The following THRB variants were observed in gnomAD, a reference collection of about 807,000 sequenced individuals.
THRB encodes the protein nuclear receptor subfamily 1 group A member 2.
Under a neutral mutation model 47.8 loss-of-function variants are expected in THRB, and 12 were observed. That is an observed-to-expected ratio of 0.25 (90% CI 0.16 to 0.41). The LOEUF is 0.41. Among genes scored for constraint, THRB ranks in the 10% least tolerant of loss-of-function variants. THRB has a pLI of 1.00. For missense variants in THRB, 348 were observed against 589.2 expected, an observed-to-expected ratio of 0.59 and a Z score of 4.24; for synonymous variants, 218 against 212.2, an observed-to-expected ratio of 1.03 and a Z score of -0.24.
At chr3:24,347,864 A>G (rs1559989174) in intron 1 of THRB, among the ~76,000 whole-genome samples, 1 of 152,122 alleles carries the variant, frequency 6.6e-6, no homozygotes, top group African/African-American at 2.4e-5. Flanking sequence ...CTCTGGGCCT[A>G]AACTGCTGGA....
chr3:24,494,919 G>A (rs1323039981), upstream of THRB: 2 of 152,438 alleles, frequency 1.3e-5, no homozygotes, highest in East Asian at 3.9e-4. Context: ...GGGGTCCCGG[G>A]GAGCGCCGGC....
At chr3:24,278,216 A>G (rs1232530312) in intron 3 of THRB, among the ~76,000 whole-genome samples, 2 of 152,234 alleles carry the variant, frequency 1.3e-5, no homozygotes, top group East Asian at 3.8e-4. Context: ...ATTTGATAAA[A>G]TATATGAAGT....
chr3:24,196,588 C>T (rs556396602), intron 4 of THRB, among the ~76,000 whole-genome samples: 1 of 152,156 alleles, frequency 6.6e-6, no homozygotes, highest in South Asian at 2.1e-4. Flanking sequence ...AAAGAGCATT[C>T]CCCCCACCCC....
intron 2 of THRB, among the ~76,000 whole-genome samples, chr3:24,299,814 C>T: frequency 7.9e-6 from 1 of 126,212 alleles, no homozygotes; most frequent in Non-Finnish European, 1.6e-5. Flanking sequence ...GCAAACATAC[C>T]AGAGTTTATA....
At chr3:24,424,896 T>G in intron 1 of THRB, among the ~76,000 whole-genome samples, 1 of 152,132 alleles carries the variant, frequency 6.6e-6, no homozygotes, top group Middle Eastern at 3.4e-3. Context: ...TTTTGCATAC[T>G]GTTAAATAAA....
At chr3:24,257,246 A>T (rs889995263) in intron 3 of THRB, among the ~76,000 whole-genome samples, 3 of 152,108 alleles carry the variant, frequency 2.0e-5, no homozygotes, top group African/African-American at 4.8e-5. Context: ...AATGAAATAA[A>T]TTTTTTGATA....
At chr3:24,400,461 A>G (rs2067302471) in intron 1 of THRB, among the ~76,000 whole-genome samples, 1 of 152,130 alleles carries the variant, frequency 6.6e-6, no homozygotes, top group African/African-American at 2.4e-5. Flanking sequence ...GCAAGGACAC[A>G]GTCATTGAAT....
At chr3:24,432,358 T>C (rs541707540) in intron 1 of THRB, among the ~76,000 whole-genome samples, 18 of 152,224 alleles carry the variant, frequency 1.2e-4, no homozygotes, top group African/African-American at 3.8e-4. Flanking sequence ...AGCTTAAAAT[T>C]GGATTCTTTC....
chr3:24,226,564 G>T (rs2047675114), intron 4 of THRB, among the ~76,000 whole-genome samples: 2 of 152,184 alleles, frequency 1.3e-5, no homozygotes, highest in South Asian at 4.1e-4. Flanking sequence ...CTGGGGTTCT[G>T]GCTCAGTCTG....
intron 1 of THRB, among the ~76,000 whole-genome samples, chr3:24,380,430 T>C (rs1260803114): frequency 6.6e-6 from 1 of 151,934 alleles, no homozygotes; most frequent in South Asian, 2.1e-4. Flanking sequence ...CAGCGTTCCT[T>C]AAACATACCA....
At chr3:24,260,947 A>C (rs948975830) in intron 3 of THRB, among the ~76,000 whole-genome samples, 1 of 152,170 alleles carries the variant, frequency 6.6e-6, no homozygotes, top group African/African-American at 2.4e-5. Flanking sequence ...CCCCAACCCC[A>C]GAGTTTCTGA....
intron 2 of THRB, among the ~76,000 whole-genome samples, chr3:24,325,676 G>A (rs570083795): frequency 1.3e-5 from 2 of 152,294 alleles, no homozygotes; most frequent in East Asian, 3.9e-4. Context: ...GACAGAGTGA[G>A]AGACTCTGTC....
chr3:24,433,826 A>G (rs2070683768), intron 1 of THRB, among the ~76,000 whole-genome samples: 1 of 152,150 alleles, frequency 6.6e-6, no homozygotes, highest in Non-Finnish European at 1.5e-5. Context: ...TTGATACTCC[A>G]TGTACATTAA....
chr3:24,279,739 CTG>C (rs1261812012), intron 3 of THRB, among the ~76,000 whole-genome samples: 4 of 152,056 alleles, frequency 2.6e-5, no homozygotes, highest in Admixed American at 6.6e-5. Flanking sequence ...CTTCAAAACT[CTG>C]TATTTCATCC....
chr3:24,303,312 A>G (rs1415899798), intron 2 of THRB, among the ~76,000 whole-genome samples: 1 of 152,162 alleles, frequency 6.6e-6, no homozygotes, highest in Non-Finnish European at 1.5e-5. Context: ...GTTTGGGCCA[A>G]AGGGTGGTCA....
At chr3:24,162,582 A>T (rs2039031104) in intron 5 of THRB, among the ~76,000 whole-genome samples, 1 of 151,576 alleles carries the variant, frequency 6.6e-6, no homozygotes, top group South Asian at 2.1e-4. Flanking sequence ...CAATTCTTGA[A>T]GCTTTATTTT....
intron 3 of THRB, among the ~76,000 whole-genome samples, chr3:24,232,669 G>A (rs1022548250): frequency 6.6e-6 from 1 of 152,178 alleles, no homozygotes; most frequent in East Asian, 1.9e-4. Flanking sequence ...AAGACCCAAT[G>A]TGGGTTTTTA....
chr3:24,285,471 T>C (rs1288556779), intron 3 of THRB, among the ~76,000 whole-genome samples: 2 of 147,494 alleles, frequency 1.4e-5, no homozygotes, highest in African/African-American at 2.5e-5. Context: ...TTGGGAGATA[T>C]ACCTAATGCT....
At chr3:24,202,616 A>C (rs1326310665) in intron 4 of THRB, among the ~76,000 whole-genome samples, 1 of 152,230 alleles carries the variant, frequency 6.6e-6, no homozygotes, top group Non-Finnish European at 1.5e-5. Flanking sequence ...AAAAGCTGCC[A>C]AATCATTTAG....
Sources: gnomAD v4.1 joint callset for allele counts (sites outside exome capture counted in the v4.1 genomes callset) on GRCh38, gnomAD v4.1.1 for gene constraint, MANE v1.5 for transcripts, NCBI Gene and HGNC (gene_info 2026-07-23, HGNC 2026-07-21) for gene names.